The following SPATA13 variants were observed in gnomAD, a reference collection of about 807,000 sequenced individuals.
SPATA13 encodes the protein spermatogenesis associated 13.
SPATA13 carries 50 observed loss-of-function variants against 104.0 expected under a neutral mutation model. That is an observed-to-expected ratio of 0.48 (90% confidence interval 0.38 to 0.61). The LOEUF (loss-of-function observed/expected upper bound fraction) is 0.61. Among genes scored for constraint, SPATA13 ranks in the 20% least tolerant of loss-of-function variants. The pLI is 0.00. For missense variants in SPATA13, 1,524 were observed against 1,690.6 expected (o/e 0.90, Z 1.73); for synonymous variants, 606 against 667.5 (o/e 0.91, Z 1.42).
intron 8 of SPATA13, among the ~76,000 whole-genome samples, chr13:24,290,195 T>C (rs775183660): frequency 2.0e-5 from 3 of 151,982 alleles, no homozygotes; most frequent in East Asian, 1.9e-4. Context: ...CGGCAGAGAA[T>C]TGGGAAGAGA....
chr13:24,044,290 C>A (rs1181740437), intron 3 of SPATA13, among the ~76,000 whole-genome samples: 1 of 145,714 alleles, frequency 6.9e-6, no homozygotes, highest in Non-Finnish European at 1.5e-5. Context: ...TGGAGTGCAG[C>A]AGCGCTATCA....
chr13:24,234,956 C>A (rs1872496199), intron 2 of SPATA13, among the ~76,000 whole-genome samples: 1 of 152,154 alleles, frequency 6.6e-6, no homozygotes, highest in African/African-American at 2.4e-5. Flanking sequence ...CTACTTAAGC[C>A]TCAACTTCTT....
chr13:24,273,316 T>A (rs1488979950), intron 4 of SPATA13, among the ~76,000 whole-genome samples: 1 of 152,172 alleles, frequency 6.6e-6, no homozygotes, highest in East Asian at 1.9e-4. Context: ...GGGCCCTAAG[T>A]TGAATACTGA....
intron 3 of SPATA13, among the ~76,000 whole-genome samples, chr13:24,120,304 C>T (rs1338975791): frequency 3.9e-5 from 6 of 152,342 alleles, no homozygotes; most frequent in South Asian, 4.1e-4. Context: ...GAAAGACCCA[C>T]GTCTTTGCCA....
At chr13:24,025,664 A>T (rs1184832328) in intron 3 of SPATA13, among the ~76,000 whole-genome samples, 1 of 152,234 alleles carries the variant, frequency 6.6e-6, no homozygotes. Context: ...CAATTTGGTG[A>T]ATATAAAATG....
At chr13:24,006,441 T>A (rs567208642) in intron 2 of SPATA13, among the ~76,000 whole-genome samples, 5 of 152,174 alleles carry the variant, frequency 3.3e-5, no homozygotes, top group Non-Finnish European at 7.4e-5. Flanking sequence ...AAGACAAACA[T>A]GTTTCCAGCA....
At chr13:24,148,137 C>A (rs1398623926) in intron 3 of SPATA13, among the ~76,000 whole-genome samples, 1 of 152,058 alleles carries the variant, frequency 6.6e-6, no homozygotes, top group African/African-American at 2.4e-5. Context: ...TGAATCATAT[C>A]ATTTCCCATA....
chr13:24,142,177 GC>G (rs1366578319), intron 3 of SPATA13, among the ~76,000 whole-genome samples: 4 of 149,634 alleles, frequency 2.7e-5, no homozygotes, highest in Admixed American at 1.3e-4. Flanking sequence ...TTCTCCCAGT[GC>G]CCCCCTCCCC....
At chr13:24,179,380 T>A (rs780580332) in intron 1 of SPATA13, among the ~76,000 whole-genome samples, 22 of 152,206 alleles carry the variant, frequency 1.4e-4, no homozygotes, top group Non-Finnish European at 2.6e-4. Flanking sequence ...CATGCACCAT[T>A]TTACATTTCC....
chr13:24,267,930 G>A (rs1044647993), intron 4 of SPATA13, among the ~76,000 whole-genome samples: 14 of 152,230 alleles, frequency 9.2e-5, no homozygotes, highest in South Asian at 2.1e-4. Flanking sequence ...TGAATAACCT[G>A]GGATGTTGTT....
chr13:24,071,519 C>G (rs530985620), intron 3 of SPATA13, among the ~76,000 whole-genome samples: 1 of 152,236 alleles, frequency 6.6e-6, no homozygotes, highest in South Asian at 2.1e-4. Flanking sequence ...AGTACCTCAC[C>G]CTGTATCCTC....
chr13:24,220,587 C>T (rs984571476), intron 1 of SPATA13, among the ~76,000 whole-genome samples: 29 of 152,220 alleles, frequency 1.9e-4, no homozygotes, highest in African/African-American at 4.3e-4. Context: ...CCAGTCTCAT[C>T]GCAGAGATGA....
At chr13:24,229,679 C>T (rs748284457) in intron 2 of SPATA13, among the ~76,000 whole-genome samples, 8 of 151,938 alleles carry the variant, frequency 5.3e-5, no homozygotes, top group Non-Finnish European at 1.0e-4. Flanking sequence ...GTTCTTCAAA[C>T]AGTTAGTTTG....
chr13:24,300,809 C>T (rs1877131065), intron 12 of SPATA13, among the ~76,000 whole-genome samples: 1 of 152,180 alleles, frequency 6.6e-6, no homozygotes, highest in Admixed American at 6.5e-5. Flanking sequence ...CATCCCCAGT[C>T]TGAGGCAAAC....
chr13:24,235,445 T>C (rs1872522114), intron 2 of SPATA13, among the ~76,000 whole-genome samples: 1 of 152,204 alleles, frequency 6.6e-6, no homozygotes. Context: ...TAAAAACTTT[T>C]CAAGCAAGAA....
intron 3 of SPATA13, among the ~76,000 whole-genome samples, chr13:24,101,207 C>CTT (rs776375042): frequency 2.0e-4 from 31 of 152,216 alleles, no homozygotes; most frequent in Non-Finnish European, 4.1e-4. Context: ...CTTATCCTCT[C>CTT]TTCTCTTTCT....
At chr13:24,144,325 C>T (rs1370251562) in intron 3 of SPATA13, among the ~76,000 whole-genome samples, 1 of 152,174 alleles carries the variant, frequency 6.6e-6, no homozygotes, top group Admixed American at 6.5e-5. Context: ...TCCCCTGCCC[C>T]ACCTTCCCAC....
chr13:24,290,069 C>T (rs1211480386), intron 8 of SPATA13, among the ~76,000 whole-genome samples: 2 of 152,162 alleles, frequency 1.3e-5, no homozygotes, highest in Non-Finnish European at 2.9e-5. Context: ...CTGCAGGAGC[C>T]AGCTTAGGAC....
chr13:24,247,299 A>G (rs1038366243), intron 2 of SPATA13, among the ~76,000 whole-genome samples: 5 of 152,012 alleles, frequency 3.3e-5, no homozygotes, highest in African/African-American at 1.2e-4. Flanking sequence ...CATTGCAGGA[A>G]AACTTTTGGA....
Sources: allele counts gnomAD v4.1 joint callset (sites outside exome capture counted in the v4.1 genomes callset), GRCh38; gene constraint gnomAD v4.1.1; transcripts MANE v1.5; gene names NCBI Gene and HGNC (gene_info 2026-07-23, HGNC 2026-07-21).